ZBTB8B: variants seen among roughly 807,000 people sequenced by gnomAD.
The protein encoded by ZBTB8B is zinc finger and BTB domain-containing protein 8B.
Under a neutral mutation model 30.3 loss-of-function variants are expected in ZBTB8B, and 17 were observed. That is an observed-to-expected ratio of 0.56 (90% CI 0.38 to 0.84). The LOEUF (loss-of-function observed/expected upper bound fraction) is 0.84, where lower values mean the gene tolerates loss of function less well. Among genes scored for constraint, ZBTB8B ranks in the 40% least tolerant of loss-of-function variants. The probability of loss-of-function intolerance (pLI) is 0.00; values close to 1 mark genes in which losing one functional copy is unlikely to be tolerated. For synonymous variants in ZBTB8B, 248 were observed against 255.6 expected (o/e 0.97, Z 0.28); for missense variants, 515 against 644.9 (o/e 0.80, Z 2.18).
intron 2 of ZBTB8B, among the ~76,000 whole-genome samples, chr1:32,473,169 G>A (rs1030239185): frequency 6.6e-6 from 1 of 152,172 alleles, no homozygotes; most frequent in Non-Finnish European, 1.5e-5. Flanking sequence ...GGCTGGGCGC[G>A]GCGGCACGCG....
rs190685322 is a variant in ZBTB8B, at chr1:32,476,465, C to A, written c.992-4426C>A. On this transcript the variant is annotated intron_variant, in intron 2 of 3. Coordinates refer to ENST00000609129, the MANE Select transcript of ZBTB8B (RefSeq NM_001145720.2). ...TCAGTGTGTCTCCTCTCCACCTCCA[C>A]AACTACTGCCTTAGCTCCTGTCATC... 8.0e-4 allele frequency among the ~76,000 whole-genome samples: 122 copies of A among 152,252 alleles called. 1 individual carries two copies. Among genetic ancestry groups the A allele is most frequent in the Non-Finnish European group, 1.0e-3 (68 of 68,014 alleles).
chr1:32,483,750 G>GAA (rs376965712), intron 3 of ZBTB8B, among the ~76,000 whole-genome samples: 61 of 145,464 alleles, frequency 4.2e-4, no homozygotes, highest in African/African-American at 1.5e-3. Context: ...CAATGAGAGG[G>GAA]AAAAAAAAAA....
intron 2 of ZBTB8B, among the ~76,000 whole-genome samples, chr1:32,475,217 T>A (rs377745334): frequency 5.3e-5 from 8 of 152,358 alleles, no homozygotes; most frequent in East Asian, 1.9e-4. Context: ...GTACCTTTTG[T>A]GTGAAGGCAT....
chr1:32,483,117 A>G (rs1045501174), intron 3 of ZBTB8B, among the ~76,000 whole-genome samples: 3 of 151,378 alleles, frequency 2.0e-5, no homozygotes, highest in Non-Finnish European at 4.4e-5. Flanking sequence ...TAGGCCCAGC[A>G]CGGTGGCTCA....
chr1:32,475,840 CAG>C (rs1200339564), intron 2 of ZBTB8B, among the ~76,000 whole-genome samples: 1 of 130,228 alleles, frequency 7.7e-6, no homozygotes, highest in Non-Finnish European at 1.6e-5. Context: ...TTTTTTTAGA[CAG>C]AGTCTCACTC....
intron 2 of ZBTB8B, among the ~76,000 whole-genome samples, chr1:32,478,652 C>T (rs1237029171): frequency 2.6e-5 from 4 of 152,158 alleles, no homozygotes; most frequent in African/African-American, 9.7e-5. Flanking sequence ...AAACAGATAT[C>T]GGAGTCACTA....
chr1:32,474,343 C>CAAAAAAAAA lies in ZBTB8B; in HGVS notation c.991+2759_991+2767dup, dbSNP rs57001984. 3.6e-3 allele frequency among the ~76,000 whole-genome samples: 142 copies of CAAAAAAAAA among 39,192 alleles called. 2 individuals carry two copies. The highest frequency in any genetic ancestry group is 4.7e-3 in the Non-Finnish European group (103 of 21,740). 25.7% of individuals were successfully genotyped at this position (39,192 alleles called of 152,430 possible). A position where few individuals can be genotyped will look rare whatever the true frequency, so the allele number is the denominator to read the frequency against. On this transcript the variant is annotated intron_variant, in intron 2 of 3. Transcript: ENST00000609129. ...GCAAGATGGCAAAACCCCATCTCTA[C>CAAAAAAAAA]AAAAAAAAAAAAAAAAAAAAAAAAA...
chr1:32,478,979 C>T (rs530690814), intron 2 of ZBTB8B, among the ~76,000 whole-genome samples: 198 of 152,256 alleles, frequency 1.3e-3, no homozygotes, highest in Middle Eastern at 6.8e-3. Context: ...TTATGTGTTA[C>T]TTTATTTCAT....
chr1:32,491,782 C>T lies in ZBTB8B; in HGVS notation c.*6364C>T, dbSNP rs986801456. 6.6e-6 allele frequency: 1 copy of T among 152,224 alleles called. No individual in the cohort carries two copies. Among genetic ancestry groups the T allele is most frequent in the African/African-American group, 2.4e-5 (1 of 41,460 alleles). 9.4% of individuals were successfully genotyped at this position (152,224 alleles called of 1,614,324 possible). ...CAGATGCAGTTTACCAATTGGGCAT[C>T]ATGTCTACCATATGTAACATTGCCT... is the stretch of plus-strand genomic sequence containing the variant. On this transcript the variant is annotated 3_prime_UTR_variant, in exon 4 of 4. Transcript: ENST00000609129.
intron 3 of ZBTB8B, 24 bp downstream of exon 3, chr1:32,481,093 C>T: frequency 6.5e-7 from 1 of 1,529,348 alleles, no homozygotes; most frequent in Non-Finnish European, 8.8e-7. Flanking sequence ...CTGGCCATGC[C>T]CTTGTGGCAA....
At chr1:32,468,093 G>A (rs780510498) in intron 1 of ZBTB8B, among the ~76,000 whole-genome samples, 1 of 151,966 alleles carries the variant, frequency 6.6e-6, no homozygotes, top group African/African-American at 2.4e-5. Flanking sequence ...TGCAGCCTGG[G>A]TGACAGAGTG....
In ZBTB8B at chr1:32,481,086, G is replaced by T. The variant is rs1643701580; in HGVS notation, c.1170+17G>T. 6.5e-7 allele frequency: 1 copy of T among 1,535,828 alleles called. No individual in the cohort carries two copies. Among genetic ancestry groups the T allele is most frequent in the Admixed American group, 2.0e-5 (1 of 50,254 alleles). On this transcript the variant is annotated intron_variant, in intron 3 of 3. Transcript: ENST00000609129. ...GCACTGAGTGTAAGTGTTCGAGCTG[G>T]CCATGCCCTTGTGGCAAGAGCTATT... is the stretch of plus-strand genomic sequence containing the variant.
intron 2 of ZBTB8B, among the ~76,000 whole-genome samples, chr1:32,477,095 T>C (rs1643670777): frequency 6.6e-6 from 1 of 152,226 alleles, no homozygotes; most frequent in Non-Finnish European, 1.5e-5. Flanking sequence ...TACCTTTCTC[T>C]GTCTTGAAGT....
At position 32,471,023 on chromosome 1, in the gene ZBTB8B, T is replaced by G; in HGVS notation, c.399T>G (p.Ala133=). The G allele has an allele frequency of 6.4e-7, 1 of 1,551,666 alleles. No individual in the cohort carries two copies. Among genetic ancestry groups the G allele is most frequent in the Non-Finnish European group, 8.7e-7 (1 of 1,146,946 alleles). The part of the protein sequence containing the change: ...DICRKMEKEA[A]VAAAVAAAAA... ...GCCGAAAGATGGAGAAGGAGGCTGC[T>G]GTGGCTGCAGCAGTGGCGGCGGCAG... is the stretch of plus-strand genomic sequence containing the variant. Residue 133 remains alanine (A), a synonymous_variant, in exon 2 of 4, where the codon GCT becomes GCG. Transcript: ENST00000609129.
At position 32,485,754 on chromosome 1, in the gene ZBTB8B, A is replaced by C; in HGVS notation, c.*336A>C. ...AGAAAATCTCCAGGCTTGTTTTTATATTGATTCAGTCCTCTGCATTCCTTT... is the reference window on the plus strand; with the variant it reads ...AGAAAATCTCCAGGCTTGTTTTTATCTTGATTCAGTCCTCTGCATTCCTTT... On this transcript the variant is annotated 3_prime_UTR_variant, in exon 4 of 4. Transcript: ENST00000609129. The C allele has an allele frequency of 3.7e-6, 1 of 266,730 alleles. No individual in the cohort carries two copies. The highest frequency in any genetic ancestry group is 7.2e-6 in the Non-Finnish European group (1 of 139,218). The allele number at this position is 266,730 out of a possible 1,614,324, so 16.5% of individuals were successfully genotyped here.
rs1557679550 is a variant in ZBTB8B, at chr1:32,465,358, G to C, written c.-42+253G>C. ...GGGTGTCCTCCGCGTCGTCCAGCCG[G>C]GGGTCGCGGCGCCGACTACTTCCAC... On this transcript the variant is annotated intron_variant, in intron 1 of 3. Transcript: ENST00000609129. The surrounding 1 kb of genome is among the most constrained non-coding windows in gnomAD (Gnocchi z 4.1). 6.6e-6 allele frequency among the ~76,000 whole-genome samples: 1 copy of C among 152,250 alleles called. No homozygotes were observed. Among genetic ancestry groups the C allele is most frequent in the Non-Finnish European group, 1.5e-5 (1 of 68,044 alleles).
In ZBTB8B at chr1:32,465,500, C is replaced by CG. The variant is rs1388569983; in HGVS notation, c.-42+400dup. ...GGGCTAGGCCTTGGGGTCCCACCCTCGGGGGCCGTGCCCTGTAGCTGGTTC... is the reference window on the plus strand; with the variant it reads ...GGGCTAGGCCTTGGGGTCCCACCCTCGGGGGGCCGTGCCCTGTAGCTGGTTC... On this transcript the variant is annotated intron_variant, in intron 1 of 3. Transcript: ENST00000609129. This position sits in a 1 kb window ranked among gnomAD's most constrained non-coding sequence, Gnocchi z 4.1. 1.3e-5 allele frequency among the ~76,000 whole-genome samples: 2 copies of CG among 152,354 alleles called. No individual in the cohort carries two copies. Among genetic ancestry groups the CG allele is most frequent in the South Asian group, 2.1e-4 (1 of 4,824 alleles).
Position 32,471,073 on chromosome 1 carries a change from C to T in ZBTB8B, c.449C>T (p.Ala150Val). The T allele has an allele frequency of 6.5e-7, 1 of 1,545,120 alleles. No homozygotes were observed. Among genetic ancestry groups the T allele is most frequent in the Admixed American group, 2.0e-5 (1 of 50,918 alleles). Residue 150 changes from alanine (A) to valine (V), a missense_variant, in exon 2 of 4, where the codon GCA (alanine) becomes GTA (valine). Physicochemically the swap from Ala to Val is moderately conservative, Grantham distance 64 (BLOSUM62 0). Around this residue, in one of 3 missense-constraint regions of ZBTB8B, gnomAD observed 429 missense variants for 504.3 expected, o/e 0.85. Coordinates refer to ENST00000609129, the MANE Select transcript of ZBTB8B (RefSeq NM_001145720.2). ...AAAAAAAAAA[A>V]AAAHQVDSES... ...GCGGCGGCGGCTGCAGCGGCGGCAG[C>T]AGCGGCGGCTCATCAGGTTGACAGT...
intron 2 of ZBTB8B, among the ~76,000 whole-genome samples, chr1:32,474,711 C>T (rs760035538): frequency 4.6e-5 from 7 of 152,206 alleles, no homozygotes; most frequent in East Asian, 1.9e-4. Context: ...ATCACCCTTT[C>T]ACATCCACAA....
Sources: gnomAD v4.1 joint callset for allele counts (sites outside exome capture counted in the v4.1 genomes callset) on GRCh38, gnomAD v4.1.1 for gene constraint, gnomAD v4.1.1 regional missense constraint, Gnocchi (gnomAD v3.1) non-coding constraint, MANE v1.5 for transcripts, NCBI Gene and HGNC (gene_info 2026-07-23, HGNC 2026-07-21) for gene names.